The following PUM2 variants were observed in gnomAD, a reference collection of about 807,000 sequenced individuals.
PUM2 encodes pumilio homolog 2.
Under a neutral mutation model 124.5 loss-of-function variants are expected in PUM2, and 57 were observed. The observed-to-expected ratio is 0.46, with a 90% CI of 0.37 to 0.57. The LOEUF (loss-of-function observed/expected upper bound fraction) is 0.57. Among genes scored for constraint, PUM2 ranks in the 20% least tolerant of loss-of-function variants. PUM2 has a pLI of 0.00. For missense variants in PUM2, 1,065 were observed against 1,290.6 expected (o/e 0.83, Z 2.68); for synonymous variants, 460 against 446.1 (o/e 1.03, Z -0.39).
intron 1 of PUM2, among the ~76,000 whole-genome samples, chr2:20,329,289 T>C (rs1684380821): frequency 6.6e-6 from 1 of 150,656 alleles, no homozygotes; most frequent in African/African-American, 2.4e-5. Flanking sequence ...AAAATTAGCC[T>C]GTTTCGGTAG....
At chr2:20,300,317 T>A (rs577661741) in intron 7 of PUM2, among the ~76,000 whole-genome samples, 6 of 152,172 alleles carry the variant, frequency 3.9e-5, no homozygotes, top group Admixed American at 3.9e-4. Context: ...GCCTGGCTAA[T>A]TTTGTATTTT....
chr2:20,249,320 G>C lies in PUM2; in HGVS notation c.*2265C>G, dbSNP rs77031565. On this transcript the variant is annotated 3_prime_UTR_variant, in exon 21 of 21. Transcript: ENST00000361078. ...GGGCTGATACTGAGAACAAAAGTTC[G>C]ATACGGGCCGAAATACTCTGAGGTT... 1 of 152,438 alleles carries C rather than the reference G, an allele frequency of 6.6e-6. No homozygotes were observed. Among genetic ancestry groups the C allele is most frequent in the Non-Finnish European group, 1.5e-5 (1 of 68,044 alleles). The allele number at this position is 152,438 out of a possible 1,614,324, so 9.4% of individuals were successfully genotyped here.
intron 7 of PUM2, among the ~76,000 whole-genome samples, chr2:20,301,005 C>A (rs1251292423): frequency 6.6e-6 from 1 of 152,212 alleles, no homozygotes; most frequent in East Asian, 1.9e-4. Flanking sequence ...AGAATGCAAT[C>A]ATTTGTCTCT....
At chr2:20,323,405 G>A (rs925067362) in intron 2 of PUM2, among the ~76,000 whole-genome samples, 1 of 142,592 alleles carries the variant, frequency 7.0e-6, no homozygotes, top group Non-Finnish European at 1.5e-5. Context: ...CCAAGATTGC[G>A]CCACTGCACT....
At chr2:20,349,993 T>C (rs1001087737) in intron 1 of PUM2, among the ~76,000 whole-genome samples, 1 of 152,242 alleles carries the variant, frequency 6.6e-6, no homozygotes, top group Non-Finnish European at 1.5e-5. Context: ...ACAAAACTAC[T>C]GCTCAAATAG....
At chr2:20,303,257 A>C (rs539838460) in intron 7 of PUM2, among the ~76,000 whole-genome samples, 4 of 147,048 alleles carry the variant, frequency 2.7e-5, no homozygotes, top group African/African-American at 1.0e-4. Flanking sequence ...ATGGTTGAGC[A>C]AGTCCTCCTC....
intron 14 of PUM2, among the ~76,000 whole-genome samples, chr2:20,262,402 A>G (rs748774553): frequency 6.7e-6 from 1 of 150,148 alleles, no homozygotes; most frequent in Non-Finnish European, 1.5e-5. Context: ...AAATGCCTAC[A>G]GTATTCAGTA....
At chr2:20,260,715 A>T (rs1428001761) in intron 14 of PUM2, among the ~76,000 whole-genome samples, 11 of 152,334 alleles carry the variant, frequency 7.2e-5, no homozygotes, top group African/African-American at 2.6e-4. Context: ...TGGTTACATT[A>T]TAATCAATAA....
At chr2:20,311,425 G>A (rs1679574996) in intron 5 of PUM2, 69 bp downstream of exon 5, 3 of 1,414,588 alleles carry the variant, frequency 2.1e-6, no homozygotes, top group Non-Finnish European at 2.8e-6. Flanking sequence ...GTCTAAATCA[G>A]TCACATCAAC....
chr2:20,339,462 T>C (rs1432578161), intron 1 of PUM2, among the ~76,000 whole-genome samples: 1 of 152,240 alleles, frequency 6.6e-6, no homozygotes, highest in African/African-American at 2.4e-5. Context: ...TAAAAGAATG[T>C]ACGTGTACAC....
intron 11 of PUM2, 47 bp from the exon 12 acceptor site, chr2:20,283,278 T>C: frequency 1.2e-6 from 2 of 1,606,348 alleles, no homozygotes; most frequent in South Asian, 2.2e-5. Context: ...CAGAAAATTC[T>C]GTATTTTAAA....
intron 1 of PUM2, among the ~76,000 whole-genome samples, chr2:20,335,236 A>G (rs1305683419): frequency 1.3e-5 from 2 of 152,204 alleles, no homozygotes; most frequent in African/African-American, 2.4e-5. Flanking sequence ...GACTGATTTT[A>G]ATGAACATAA....
intron 14 of PUM2, among the ~76,000 whole-genome samples, chr2:20,260,716 T>TTTC (rs1665972200): frequency 6.6e-6 from 1 of 152,196 alleles, no homozygotes; most frequent in African/African-American, 2.4e-5. Context: ...GGTTACATTA[T>TTTC]AATCAATAAG....
At chr2:20,298,755 C>G (rs932190273) in intron 7 of PUM2, among the ~76,000 whole-genome samples, 1 of 152,096 alleles carries the variant, frequency 6.6e-6, no homozygotes, top group African/African-American at 2.4e-5. Flanking sequence ...CTGGTAATCC[C>G]AGCTACTCAG....
At chr2:20,312,497 G>A in intron 3 of PUM2, 74 bp from the exon 4 acceptor site, 2 of 1,331,326 alleles carry the variant, frequency 1.5e-6, no homozygotes, top group South Asian at 1.4e-5. Flanking sequence ...TTAATATACT[G>A]AAGTAAGAAA....
chr2:20,328,801 A>G (rs762438017), intron 1 of PUM2, among the ~76,000 whole-genome samples: 3 of 152,228 alleles, frequency 2.0e-5, no homozygotes, highest in Non-Finnish European at 4.4e-5. Context: ...AAATGAACAG[A>G]GCTTCAGTGA....
intron 10 of PUM2, among the ~76,000 whole-genome samples, chr2:20,285,551 G>GGAGTTTGGTGCATTCT (rs1250132488): frequency 3.3e-5 from 5 of 152,182 alleles, no homozygotes; most frequent in African/African-American, 1.2e-4. Flanking sequence ...CCTCAGCACA[G>GGAGTTTGGTGCATTCT]GAGTTTGGTG....
intron 1 of PUM2, chr2:20,331,656 A>T (rs1684948813): frequency 6.6e-6 from 1 of 152,188 alleles, no homozygotes. Context: ...AAAGGAAAAA[A>T]AAACTATCAG....
intron 12 of PUM2, among the ~76,000 whole-genome samples, chr2:20,280,429 C>T (rs1219291775): frequency 6.6e-6 from 1 of 152,060 alleles, no homozygotes; most frequent in Non-Finnish European, 1.5e-5. Context: ...ATGTATGCTA[C>T]ATTAACTATG....
Sources: allele counts gnomAD v4.1 joint callset (sites outside exome capture counted in the v4.1 genomes callset), GRCh38; gene constraint gnomAD v4.1.1; transcripts MANE v1.5; gene names NCBI Gene and HGNC (gene_info 2026-07-23, HGNC 2026-07-21).